Variants in SDK1 observed in about 807,000 individuals in gnomAD.
SDK1 encodes the protein protein sidekick-1.
A neutral mutation model predicts 245.5 loss-of-function variants in SDK1; 157 were observed. The observed-to-expected ratio is 0.64, with a 90% CI of 0.56 to 0.73. SDK1 has a LOEUF of 0.73. Among genes scored for constraint, SDK1 ranks in the 30% least tolerant of loss-of-function variants. The pLI is 0.00. For missense variants in SDK1, 3,583 were observed against 3,002.3 expected, an observed-to-expected ratio of 1.19 and a Z score of -4.52; for synonymous variants, 1,647 against 1,278.5, an observed-to-expected ratio of 1.29 and a Z score of -6.15.
intron 5 of SDK1, among the ~76,000 whole-genome samples, chr7:3,898,379 T>G (rs2128104344): frequency 6.6e-6 from 1 of 152,340 alleles, no homozygotes; most frequent in East Asian, 1.9e-4. Flanking sequence ...TGTCACATCA[T>G]GATGCCATTC....
In SDK1 at chr7:3,950,951, C is replaced by A; in HGVS notation, c.876C>A (p.Ala292=). 6.2e-7 allele frequency: 1 copy of A among 1,614,020 alleles called. No individual in the cohort carries two copies. The highest frequency in any genetic ancestry group is 1.1e-5 in the South Asian group (1 of 91,072). ...ARDVGTPETM[A]PTIVVPPGNR... ...ATGTTGGCACACCTGAAACCATGGC[C>A]CCAACCATTGTGGTTCCCCCGGGCA... The change falls in exon 6 of 45, where the codon GCC becomes GCA. Residue 292 remains alanine (A), a synonymous_variant. Transcript: ENST00000404826.
In SDK1 at chr7:3,753,366, C is replaced by G. The variant is rs139853161; in HGVS notation, c.714-68084C>G. Among the ~76,000 whole-genome samples the G allele has an allele frequency of 4.3e-4, 66 of 152,288 alleles. 1 individual carries two copies. In the East Asian group the frequency reaches 0.012, roughly 28 times the overall value. On this transcript the variant is annotated intron_variant, in intron 4 of 44. Transcript: ENST00000404826. Reference sequence around the variant, plus strand: ...AACATCACCATCAGTATTAGAGATGCAAGCATGCAGGTTTCCTAAACTGAA... The same window carrying G: ...AACATCACCATCAGTATTAGAGATGGAAGCATGCAGGTTTCCTAAACTGAA...
chr7:3,677,711 A>T (rs1328735332), intron 4 of SDK1, among the ~76,000 whole-genome samples: 1 of 152,214 alleles, frequency 6.6e-6, no homozygotes, highest in African/African-American at 2.4e-5. Flanking sequence ...CAATATGTGA[A>T]TATATATTTT....
At chr7:3,742,696 C>T (rs1049315092) in intron 4 of SDK1, among the ~76,000 whole-genome samples, 2 of 152,128 alleles carry the variant, frequency 1.3e-5, no homozygotes, top group Non-Finnish European at 2.9e-5. Context: ...ACTTTTAACA[C>T]CAAATAAAAT....
chr7:3,523,029 G>A (rs992494963), intron 1 of SDK1, among the ~76,000 whole-genome samples: 6 of 35,168 alleles, frequency 1.7e-4, no homozygotes, highest in African/African-American at 6.5e-4. Context: ...ATCGTAAATT[G>A]GTAAACCTGT....
intron 1 of SDK1, among the ~76,000 whole-genome samples, chr7:3,567,905 G>T (rs186142324): frequency 6.6e-6 from 1 of 152,144 alleles, no homozygotes; most frequent in African/African-American, 2.4e-5. Flanking sequence ...TCGAACTCGT[G>T]GGCCCAAGTG....
chr7:3,565,169 A>G (rs919333448), intron 1 of SDK1, among the ~76,000 whole-genome samples: 7 of 152,024 alleles, frequency 4.6e-5, no homozygotes, highest in East Asian at 1.9e-4. Context: ...TGGGCCCAGC[A>G]AACACATCTC....
intron 1 of SDK1, among the ~76,000 whole-genome samples, chr7:3,477,168 T>G: frequency 6.6e-6 from 1 of 151,868 alleles, no homozygotes; most frequent in East Asian, 1.9e-4. Flanking sequence ...TAACACTTCA[T>G]TTTTGCTTTA....
At chr7:4,071,439 A>C (rs1040424545) in intron 20 of SDK1, among the ~76,000 whole-genome samples, 1 of 152,220 alleles carries the variant, frequency 6.6e-6, no homozygotes, top group Admixed American at 6.5e-5. Flanking sequence ...GGGGGAAGTC[A>C]CTACTAGAAT....
chr7:4,162,369 G>GTTGTTGTTA (rs776772572), intron 32 of SDK1, among the ~76,000 whole-genome samples: 88 of 128,374 alleles, frequency 6.9e-4, no homozygotes, highest in East Asian at 5.3e-3. Flanking sequence ...TGTTGTTGTT[G>GTTGTTGTTA]TTATTATTAT....
intron 35 of SDK1, among the ~76,000 whole-genome samples, chr7:4,195,919 C>A (rs900878859): frequency 1.3e-5 from 2 of 152,128 alleles, no homozygotes; most frequent in African/African-American, 4.8e-5. Flanking sequence ...TGACAGAAAC[C>A]CCAGCCTCAG....
intron 1 of SDK1, among the ~76,000 whole-genome samples, chr7:3,526,836 C>T (rs1194421816): frequency 1.3e-5 from 2 of 151,990 alleles, no homozygotes; most frequent in Non-Finnish European, 2.9e-5. Context: ...ATTTTTGAAT[C>T]TTATATATAT....
intron 22 of SDK1, among the ~76,000 whole-genome samples, chr7:4,091,695 C>G (rs1190619363): frequency 6.6e-6 from 1 of 152,082 alleles, no homozygotes; most frequent in South Asian, 2.1e-4. Context: ...TCTTTAAACA[C>G]CTTCTGAGGG....
At chr7:3,470,497 C>G (rs1781148092) in intron 1 of SDK1, among the ~76,000 whole-genome samples, 1 of 152,090 alleles carries the variant, frequency 6.6e-6, no homozygotes, top group African/African-American at 2.4e-5. Flanking sequence ...AGCTAATGAG[C>G]TGTTAATTTA....
At chr7:3,622,845 C>T (rs1421356943) in intron 2 of SDK1, among the ~76,000 whole-genome samples, 1 of 151,934 alleles carries the variant, frequency 6.6e-6, no homozygotes, top group African/African-American at 2.4e-5. Context: ...ATATTATGTT[C>T]CACGAGGGCC....
At chr7:3,731,295 A>G (rs1442838927) in intron 4 of SDK1, among the ~76,000 whole-genome samples, 1 of 152,176 alleles carries the variant, frequency 6.6e-6, no homozygotes, top group African/African-American at 2.4e-5. Flanking sequence ...AAGAAAAAAC[A>G]TACAAGTGCT....
At chr7:4,241,703 G>T in intron 42 of SDK1, 90 bp from the exon 43 acceptor site, 1 of 1,523,040 alleles carries the variant, frequency 6.6e-7, no homozygotes, top group Non-Finnish European at 9.0e-7. Context: ...GCAGGACTCA[G>T]GAGCTGCCCC....
chr7:3,565,194 C>T (rs1370415288), intron 1 of SDK1, among the ~76,000 whole-genome samples: 1 of 151,824 alleles, frequency 6.6e-6, no homozygotes, highest in Non-Finnish European at 1.5e-5. Flanking sequence ...GTCTTGCTTT[C>T]TTCCATCCGC....
chr7:3,539,357 G>T (rs972454419), intron 1 of SDK1, among the ~76,000 whole-genome samples: 1 of 152,174 alleles, frequency 6.6e-6, no homozygotes, highest in African/African-American at 2.4e-5. Context: ...TAGGTAGATA[G>T]ACAGAGCTTA....
Sources: allele counts gnomAD v4.1 joint callset (sites outside exome capture counted in the v4.1 genomes callset), GRCh38; gene constraint gnomAD v4.1.1; transcripts MANE v1.5; gene names NCBI Gene and HGNC (gene_info 2026-07-23, HGNC 2026-07-21).